The following LARGE1 variants were observed in gnomAD, a reference collection of about 807,000 sequenced individuals.
LARGE1 encodes the protein LARGE xylosyl- and glucuronyltransferase 1.
Under a neutral mutation model 87.6 loss-of-function variants are expected in LARGE1, and 43 were observed. The ratio of observed to expected loss-of-function variants is 0.49; its 90% CI spans 0.38 to 0.63. LARGE1 has a LOEUF of 0.63. Among genes scored for constraint, LARGE1 ranks in the 30% least tolerant of loss-of-function variants. LARGE1 has a pLI of 0.00. For missense variants in LARGE1, 802 were observed against 1,000.2 expected (o/e 0.80, Z 2.67); for synonymous variants, 434 against 394.6 (o/e 1.10, Z -1.18).
chr22:33,208,623 G>A (rs1347441330), intron 11 of LARGE1, among the ~76,000 whole-genome samples: 1 of 151,712 alleles, frequency 6.6e-6, no homozygotes, highest in Non-Finnish European at 1.5e-5. Flanking sequence ...TGCAGAATGT[G>A]CAGGTTTGTT....
chr22:33,483,279 C>T (rs2069412226), intron 6 of LARGE1, among the ~76,000 whole-genome samples: 2 of 152,142 alleles, frequency 1.3e-5, no homozygotes, highest in Admixed American at 1.3e-4. Flanking sequence ...TTTCATCCAG[C>T]TCTCTCTCTT....
intron 11 of LARGE1, among the ~76,000 whole-genome samples, chr22:33,180,458 C>T (rs1361426824): frequency 6.6e-6 from 1 of 152,172 alleles, no homozygotes; most frequent in Admixed American, 6.5e-5. Context: ...ACCCTCAAAC[C>T]TGCTAGTGGG....
intron 2 of LARGE1, among the ~76,000 whole-genome samples, chr22:33,760,476 C>T (rs907655508): frequency 1.1e-4 from 17 of 152,324 alleles, no homozygotes; most frequent in African/African-American, 4.1e-4. Context: ...CAACAAACCT[C>T]TCCCACAGCA....
intron 11 of LARGE1, among the ~76,000 whole-genome samples, chr22:33,202,639 C>G (rs16991963): frequency 0.081 from 12,331 of 152,222 alleles, 663 homozygotes; most frequent in Middle Eastern, 0.19. Context: ...ACAGTAGCTG[C>G]TCAATAAAGC....
intron 2 of LARGE1, among the ~76,000 whole-genome samples, chr22:33,728,573 A>G (rs2083350729): frequency 6.8e-6 from 1 of 148,084 alleles, no homozygotes; most frequent in East Asian, 2.0e-4. Context: ...AAAAAAAAAA[A>G]AAAAAACCAA....
At chr22:33,278,054 T>C (rs867073781) in intron 13 of LARGE1, among the ~76,000 whole-genome samples, 1 of 152,312 alleles carries the variant, frequency 6.6e-6, no homozygotes, top group Middle Eastern at 3.4e-3. Flanking sequence ...GGGATTGTTC[T>C]AGATATAAAT....
intron 9 of LARGE1, among the ~76,000 whole-genome samples, chr22:33,363,644 T>C (rs2064467202): frequency 6.7e-6 from 1 of 149,826 alleles, no homozygotes. Flanking sequence ...TTCCTATACA[T>C]ACATACTTAT....
chr22:33,083,970 G>T, the LARGE1 span, among the ~76,000 whole-genome samples: 1 of 152,084 alleles, frequency 6.6e-6, no homozygotes, highest in African/African-American at 2.4e-5. Flanking sequence ...GATCTAATTT[G>T]CCTCTTCAGC....
At chr22:33,784,950 T>C (rs963823512) in intron 1 of LARGE1, among the ~76,000 whole-genome samples, 4 of 151,230 alleles carry the variant, frequency 2.6e-5, no homozygotes, top group African/African-American at 9.7e-5. Flanking sequence ...CGTGTATACA[T>C]GTGTACATGG....
intron 5 of LARGE1, among the ~76,000 whole-genome samples, chr22:33,578,330 A>G (rs2078411842): frequency 6.6e-6 from 1 of 152,164 alleles, no homozygotes; most frequent in South Asian, 2.1e-4. Flanking sequence ...CTACTGATCA[A>G]AGGAATTCCT....
At chr22:33,515,437 C>T (rs777952462) in intron 6 of LARGE1, among the ~76,000 whole-genome samples, 9 of 152,154 alleles carry the variant, frequency 5.9e-5, no homozygotes, top group Non-Finnish European at 1.0e-4. Context: ...CTGTTTGTTG[C>T]TGCTGTATTC....
At chr22:33,674,573 A>G (rs539265804) in intron 2 of LARGE1, among the ~76,000 whole-genome samples, 38 of 151,990 alleles carry the variant, frequency 2.5e-4, no homozygotes, top group Admixed American at 4.6e-4. Flanking sequence ...CCAGCATGGC[A>G]CTCCCACTCT....
chr22:33,369,192 A>T (rs981567426), intron 9 of LARGE1, among the ~76,000 whole-genome samples: 13 of 152,354 alleles, frequency 8.5e-5, no homozygotes, highest in African/African-American at 3.1e-4. Context: ...TAGTATTTTA[A>T]ATCAGATATA....
At chr22:33,164,001 CA>C (rs1277029354) in exon 12 of LARGE1, 2 of 152,172 alleles carry the variant, frequency 1.3e-5, no homozygotes, top group African/African-American at 2.4e-5. Flanking sequence ...CAAGTTTCAG[CA>C]AACAATATTA....
intron 11 of LARGE1, among the ~76,000 whole-genome samples, chr22:33,259,173 C>T (rs147641446): frequency 2.4e-4 from 36 of 152,300 alleles, no homozygotes; most frequent in Admixed American, 3.9e-4. Context: ...CCACTACACC[C>T]GGCCAACTTT....
chr22:33,578,526 C>T (rs890331419), intron 5 of LARGE1, among the ~76,000 whole-genome samples: 4 of 152,228 alleles, frequency 2.6e-5, no homozygotes, highest in East Asian at 1.9e-4. Flanking sequence ...TAATAACAAT[C>T]GCATTTGTTG....
intron 1 of LARGE1, among the ~76,000 whole-genome samples, chr22:33,786,635 T>C (rs2085650791): frequency 6.6e-6 from 1 of 152,164 alleles, no homozygotes; most frequent in African/African-American, 2.4e-5. Context: ...CCCCTGGCAT[T>C]TCCCTCAGGT....
intron 11 of LARGE1, among the ~76,000 whole-genome samples, chr22:33,208,694 G>A (rs1230887518): frequency 1.3e-5 from 2 of 152,026 alleles, no homozygotes; most frequent in African/African-American, 4.8e-5. Flanking sequence ...TCTACATTAG[G>A]TATTTCTCCT....
intron 6 of LARGE1, among the ~76,000 whole-genome samples, chr22:33,558,323 G>C (rs547782773): frequency 2.0e-5 from 3 of 152,226 alleles, no homozygotes; most frequent in East Asian, 1.9e-4. Flanking sequence ...TGGAGATAAG[G>C]GAAGGCAGGA....
Sources: gnomAD v4.1 joint callset for allele counts (sites outside exome capture counted in the v4.1 genomes callset) on GRCh38, gnomAD v4.1.1 for gene constraint, MANE v1.5 for transcripts, NCBI Gene and HGNC (gene_info 2026-07-23, HGNC 2026-07-21) for gene names.